FHOD3: variants seen among roughly 807,000 people sequenced by gnomAD.
FHOD3 encodes the protein FH1/FH2 domain-containing protein 3.
In FHOD3, 90 loss-of-function variants were observed where a neutral mutation model predicts 173.0. The observed-to-expected ratio is 0.52, with a 90% confidence interval of 0.44 to 0.62. The LOEUF is 0.62. Ranked by LOEUF, FHOD3 falls within the 20% of genes least tolerant of loss-of-function variation. The pLI is 0.00. For missense variants in FHOD3, 1,945 were observed against 2,034.7 expected, an observed-to-expected ratio of 0.96 and a Z score of 0.85; for synonymous variants, 828 against 823.0, an observed-to-expected ratio of 1.01 and a Z score of -0.10.
chr18:36,681,720 G>GT (rs2038254329), intron 15 of FHOD3, 150 bp downstream of exon 15: 1 of 1,022,426 alleles, frequency 9.8e-7, no homozygotes, highest in East Asian at 2.7e-5. Context: ...ACCTGAAATA[G>GT]GCTGGATCTG....
At chr18:36,351,376 T>C (rs1288597057) in intron 1 of FHOD3, among the ~76,000 whole-genome samples, 2 of 152,266 alleles carry the variant, frequency 1.3e-5, no homozygotes, top group African/African-American at 4.8e-5. Flanking sequence ...CTCGGGCAGT[T>C]CCATGGAGGA....
At chr18:36,637,674 A>G (rs371965604) in intron 10 of FHOD3, among the ~76,000 whole-genome samples, 10 of 152,356 alleles carry the variant, frequency 6.6e-5, no homozygotes, top group African/African-American at 1.7e-4. Context: ...GCAAGTAAAT[A>G]TGAGTAGCTT....
chr18:36,415,761 C>T (rs2049607300), intron 3 of FHOD3, among the ~76,000 whole-genome samples: 1 of 152,194 alleles, frequency 6.6e-6, no homozygotes, highest in African/African-American at 2.4e-5. Context: ...GTTTTGCATT[C>T]TTAATTTCAG....
intron 27 of FHOD3, 135 bp from the exon 28 acceptor site, chr18:36,769,130 G>T: frequency 2.0e-6 from 2 of 997,232 alleles, no homozygotes. Context: ...TCTATCACTA[G>T]CTCTGGGGCT....
intron 2 of FHOD3, among the ~76,000 whole-genome samples, chr18:36,370,600 T>C (rs1469960621): frequency 6.6e-6 from 1 of 152,214 alleles, no homozygotes; most frequent in Non-Finnish European, 1.5e-5. Flanking sequence ...CAATGGACTC[T>C]TTCTGAAATT....
rs2150256095 is a variant in FHOD3 at position 36,759,864 on chromosome 18, T to C, written c.4449+723T>C. ...AAATGTTAATCTGACTTTTTGTTCT[T>C]CATCCAGGTGTTCGGCATTGTGTAC... On this transcript the variant is annotated intron_variant, in intron 26 of 28. Transcript: ENST00000590592. Among the ~76,000 whole-genome samples, 2 of 152,384 alleles carry C rather than the reference T, an allele frequency of 1.3e-5. 1 individual carries two copies. Among genetic ancestry groups the C allele is most frequent in the South Asian group, 4.1e-4 (2 of 4,832 alleles).
chr18:36,459,562 A>C (rs1349567678), intron 3 of FHOD3, among the ~76,000 whole-genome samples: 1 of 152,122 alleles, frequency 6.6e-6, no homozygotes, highest in Non-Finnish European at 1.5e-5. Flanking sequence ...AGTGTGGGGG[A>C]AGACTCTAGC....
chr18:36,362,751 A>G (rs1378645077), intron 2 of FHOD3, among the ~76,000 whole-genome samples: 1 of 152,210 alleles, frequency 6.6e-6, no homozygotes, highest in African/African-American at 2.4e-5. Flanking sequence ...GTCCATCAGT[A>G]AGAGACTCAG....
At chr18:36,601,211 A>G (rs73431682) in intron 7 of FHOD3, among the ~76,000 whole-genome samples, 274 of 152,372 alleles carry the variant, frequency 1.8e-3, no homozygotes, top group African/African-American at 6.3e-3. Context: ...AGCAAGGGTC[A>G]TAGAAGATTG....
chr18:36,488,731 G>A (rs1568339031), intron 3 of FHOD3, among the ~76,000 whole-genome samples: 1 of 152,150 alleles, frequency 6.6e-6, no homozygotes, highest in East Asian at 1.9e-4. Flanking sequence ...TTACTGATCA[G>A]AAAACTTAGG....
At chr18:36,640,190 T>C (rs1402179072) in intron 10 of FHOD3, among the ~76,000 whole-genome samples, 1 of 152,222 alleles carries the variant, frequency 6.6e-6, no homozygotes, top group East Asian at 1.9e-4. Context: ...ATAAATACTT[T>C]CCTGTCTAAC....
intron 19 of FHOD3, among the ~76,000 whole-genome samples, chr18:36,720,166 G>A (rs1381375620): frequency 6.6e-6 from 1 of 151,618 alleles, no homozygotes; most frequent in Non-Finnish European, 1.5e-5. Flanking sequence ...CACTCTTGGT[G>A]TGTCTGTGTC....
At chr18:36,775,955 G>T (rs1225993160) in intron 28 of FHOD3, among the ~76,000 whole-genome samples, 3 of 152,196 alleles carry the variant, frequency 2.0e-5, no homozygotes, top group Non-Finnish European at 4.4e-5. Context: ...CCGTGGGAAA[G>T]GCTGGAGAGC....
chr18:36,719,890 G>A (rs577181008), intron 19 of FHOD3, among the ~76,000 whole-genome samples: 7 of 152,324 alleles, frequency 4.6e-5, no homozygotes, highest in Admixed American at 3.3e-4. Flanking sequence ...TTCAAAATGT[G>A]CTGGGATTCT....
intron 13 of FHOD3, among the ~76,000 whole-genome samples, chr18:36,656,902 G>A (rs2036464739): frequency 6.6e-6 from 1 of 152,020 alleles, no homozygotes; most frequent in African/African-American, 2.4e-5. Context: ...TCCACTATTT[G>A]CAGGAGCTTT....
At chr18:36,451,733 T>C (rs897309069) in intron 3 of FHOD3, among the ~76,000 whole-genome samples, 3 of 152,172 alleles carry the variant, frequency 2.0e-5, no homozygotes, top group Non-Finnish European at 4.4e-5. Context: ...AATCAGCTTC[T>C]CTGAGGTGGG....
intron 5 of FHOD3, among the ~76,000 whole-genome samples, chr18:36,539,073 CT>C (rs1346377228): frequency 6.6e-6 from 1 of 152,230 alleles, no homozygotes; most frequent in Non-Finnish European, 1.5e-5. Flanking sequence ...CAGTACGCAT[CT>C]TATGTTGCTT....
At chr18:36,618,541 A>G (rs1031580635) in intron 9 of FHOD3, among the ~76,000 whole-genome samples, 3 of 151,920 alleles carry the variant, frequency 2.0e-5, no homozygotes, top group Admixed American at 1.3e-4. Context: ...GGAACTCCCA[A>G]CCTCAGGTGA....
At chr18:36,769,908 A>G (rs1019511801) in intron 28 of FHOD3, among the ~76,000 whole-genome samples, 1 of 152,170 alleles carries the variant, frequency 6.6e-6, no homozygotes, top group Non-Finnish European at 1.5e-5. Flanking sequence ...AAGGGATTTG[A>G]TGGTCATTGG....
Sources: gnomAD v4.1 joint callset for allele counts (sites outside exome capture counted in the v4.1 genomes callset) on GRCh38, gnomAD v4.1.1 for gene constraint, MANE v1.5 for transcripts, NCBI Gene and HGNC (gene_info 2026-07-23, HGNC 2026-07-21) for gene names.